The following DENND5B variants were observed in gnomAD, a reference collection of about 807,000 sequenced individuals.
DENND5B encodes DENN domain-containing protein 5B.
In DENND5B, 34 loss-of-function variants were observed where a neutral mutation model predicts 140.6. The ratio of observed to expected loss-of-function variants is 0.24; its 90% CI spans 0.18 to 0.32. DENND5B has a LOEUF of 0.32. Ranked by LOEUF, DENND5B falls within the 10% of genes least tolerant of loss-of-function variation. The probability of loss-of-function intolerance (pLI) is 1.00; values close to 1 mark genes in which losing one functional copy is unlikely to be tolerated. For missense variants in DENND5B, 1,142 were observed against 1,560.2 expected (o/e 0.73, Z 4.52); for synonymous variants, 551 against 562.1 (o/e 0.98, Z 0.28).
intron 18 of DENND5B, 76 bp downstream of exon 18, chr12:31,392,538 C>A: frequency 6.6e-7 from 1 of 1,521,828 alleles, no homozygotes. Context: ...TTCAAGCACC[C>A]CATATTGCCT....
intron 3 of DENND5B, among the ~76,000 whole-genome samples, chr12:31,476,057 T>C (rs1264925282): frequency 6.6e-6 from 1 of 151,488 alleles, no homozygotes; most frequent in Non-Finnish European, 1.5e-5. Context: ...ACCCAGGAGG[T>C]GGAGGTTGCA....
intron 2 of DENND5B, among the ~76,000 whole-genome samples, chr12:31,492,413 C>T (rs909885396): frequency 1.2e-4 from 18 of 152,228 alleles, no homozygotes; most frequent in East Asian, 1.9e-4. Flanking sequence ...ATAGTAAGAA[C>T]GTACTTGTAC....
At chr12:31,409,723 T>C (rs551124391) in intron 13 of DENND5B, among the ~76,000 whole-genome samples, 1 of 152,014 alleles carries the variant, frequency 6.6e-6, no homozygotes, top group Admixed American at 6.6e-5. Context: ...AGGTGATCCA[T>C]CTGCCTCGGC....
rs752761415 is a variant in DENND5B at position 31,434,549 on chromosome 12, TATA to T, written c.2013-1304_2013-1302del. Among the ~76,000 whole-genome samples, 23 of 152,298 alleles carry T rather than the reference TATA, an allele frequency of 1.5e-4. No homozygotes were observed. In the East Asian group the frequency reaches 4.2e-3, roughly 28 times the overall value. ...GGATGATATGAGGGGCTTAAAAATA[TATA>T]ATGTTTCCCTTATTCAAAGGTCCTT... On this transcript the variant is annotated intron_variant, in intron 7 of 20. Transcript: ENST00000389082.
chr12:31,447,396 A>G (rs1944320149), intron 6 of DENND5B, 142 bp downstream of exon 6: 4 of 712,006 alleles, frequency 5.6e-6, no homozygotes, highest in South Asian at 4.8e-5. Context: ...AGAAAAATTT[A>G]CAAAGCATTT....
intron 8 of DENND5B, among the ~76,000 whole-genome samples, chr12:31,428,803 C>G (rs1210792083): frequency 6.6e-6 from 1 of 152,140 alleles, no homozygotes; most frequent in Non-Finnish European, 1.5e-5. Flanking sequence ...GCGATCTCGG[C>G]TCACTGCAAG....
At chr12:31,513,127 C>T (rs937858849) in intron 1 of DENND5B, among the ~76,000 whole-genome samples, 13 of 152,118 alleles carry the variant, frequency 8.5e-5, no homozygotes, top group South Asian at 2.1e-4. Flanking sequence ...GGTCCCTCAA[C>T]TGGGATTTGT....
chr12:31,472,530 G>C (rs1392890957), intron 3 of DENND5B, among the ~76,000 whole-genome samples: 1 of 152,090 alleles, frequency 6.6e-6, no homozygotes, highest in African/African-American at 2.4e-5. Flanking sequence ...GAACTCAGGT[G>C]ATCTGCCCAC....
At chr12:31,551,367 A>G (rs1271363316) in intron 1 of DENND5B, among the ~76,000 whole-genome samples, 1 of 152,100 alleles carries the variant, frequency 6.6e-6, no homozygotes, top group Non-Finnish European at 1.5e-5. Flanking sequence ...AAGATCAGAT[A>G]GTTGTAGATA....
chr12:31,429,117 C>T (rs1419283627), intron 8 of DENND5B, among the ~76,000 whole-genome samples: 1 of 151,998 alleles, frequency 6.6e-6, no homozygotes, highest in African/African-American at 2.4e-5. Context: ...TGTGATCCGC[C>T]CACCTCGGCC....
intron 1 of DENND5B, among the ~76,000 whole-genome samples, chr12:31,547,028 T>C (rs1429568233): frequency 1.3e-5 from 2 of 152,218 alleles, no homozygotes; most frequent in South Asian, 2.1e-4. Context: ...TTCCAGCAAA[T>C]ATGCTTCATT....
At chr12:31,484,824 C>CAAAAT (rs1244035410) in intron 2 of DENND5B, among the ~76,000 whole-genome samples, 34 of 149,024 alleles carry the variant, frequency 2.3e-4, no homozygotes, top group African/African-American at 6.9e-4. Flanking sequence ...CAAAACAAAA[C>CAAAAT]AAAATAAAAT....
chr12:31,485,399 C>G (rs1190527663), intron 2 of DENND5B, among the ~76,000 whole-genome samples: 1 of 152,148 alleles, frequency 6.6e-6, no homozygotes, highest in Non-Finnish European at 1.5e-5. Flanking sequence ...TCCCAAAGCA[C>G]GGATATTTTA....
chr12:31,440,310 A>C (rs1338610641), intron 7 of DENND5B, among the ~76,000 whole-genome samples: 1 of 152,184 alleles, frequency 6.6e-6, no homozygotes, highest in Non-Finnish European at 1.5e-5. Context: ...TCAGCCTCCC[A>C]GTAGGTAGTA....
At chr12:31,582,277 C>T (rs985923291) in intron 1 of DENND5B, among the ~76,000 whole-genome samples, 2 of 152,120 alleles carry the variant, frequency 1.3e-5, no homozygotes, top group Non-Finnish European at 2.9e-5. Context: ...TCATTTAACC[C>T]TTTTCAAGAC....
chr12:31,407,047 G>A (rs1467725545), intron 14 of DENND5B, among the ~76,000 whole-genome samples: 1 of 152,068 alleles, frequency 6.6e-6, no homozygotes, highest in African/African-American at 2.4e-5. Context: ...TGATCCACCC[G>A]CCTTGGCCTC....
chr12:31,467,314 A>C (rs760623416), intron 3 of DENND5B, among the ~76,000 whole-genome samples: 13 of 152,166 alleles, frequency 8.5e-5, no homozygotes, highest in Non-Finnish European at 1.9e-4. Flanking sequence ...TATGAAATAA[A>C]ATGTGAATTT....
intron 2 of DENND5B, among the ~76,000 whole-genome samples, chr12:31,493,508 A>G (rs985663247): frequency 1.3e-5 from 2 of 152,140 alleles, no homozygotes; most frequent in African/African-American, 4.8e-5. Flanking sequence ...AGCCTGGCCA[A>G]CATAGCAAAA....
intron 7 of DENND5B, among the ~76,000 whole-genome samples, chr12:31,437,283 C>T (rs1943818213): frequency 6.6e-6 from 1 of 152,084 alleles, no homozygotes; most frequent in Non-Finnish European, 1.5e-5. Flanking sequence ...GCTGGGACTA[C>T]AGGCACCCGC....
Sources: gnomAD v4.1 joint callset for allele counts (sites outside exome capture counted in the v4.1 genomes callset) on GRCh38, gnomAD v4.1.1 for gene constraint, MANE v1.5 for transcripts, NCBI Gene and HGNC (gene_info 2026-07-23, HGNC 2026-07-21) for gene names.